The following MICU1 variants were observed in gnomAD, a reference collection of about 807,000 sequenced individuals.
MICU1 encodes the protein calcium uptake protein 1, mitochondrial.
In MICU1, 45 loss-of-function variants were observed where a neutral mutation model predicts 56.8. That is an observed-to-expected ratio of 0.79 (90% CI 0.62 to 1.02). The LOEUF (loss-of-function observed/expected upper bound fraction) is 1.02, where lower values mean the gene tolerates loss of function less well. MICU1 is among the 50% of genes least tolerant of loss of function. The pLI, the probability that MICU1 is intolerant of heterozygous loss-of-function variation, is 0.00. For synonymous variants in MICU1, 186 were observed against 195.1 expected (o/e 0.95, Z 0.39); for missense variants, 504 against 587.1 (o/e 0.86, Z 1.46).
At chr10:72,507,295 T>TA (rs1465641543) in intron 6 of MICU1, among the ~76,000 whole-genome samples, 4 of 152,078 alleles carry the variant, frequency 2.6e-5, no homozygotes, top group South Asian at 2.1e-4. Context: ...TCTGAATGGT[T>TA]AAAAAAAGTC....
At chr10:72,456,946 GGTGTGT>G (rs71018292) in intron 8 of MICU1, among the ~76,000 whole-genome samples, 9,432 of 117,640 alleles carry the variant, frequency 0.08, 505 homozygotes, top group African/African-American at 0.17. Flanking sequence ...ATATTGCCCA[GGTGTGT>G]GTGTGTGTGT....
chr10:72,553,592 A>C (rs1840090007), intron 3 of MICU1, among the ~76,000 whole-genome samples: 1 of 152,130 alleles, frequency 6.6e-6, no homozygotes, highest in Non-Finnish European at 1.5e-5. Context: ...ACAACAACAA[A>C]AAAGAAACCA....
chr10:72,448,119 A>ATATG (rs1554872366), intron 8 of MICU1, among the ~76,000 whole-genome samples: 1 of 47,648 alleles, frequency 2.1e-5, no homozygotes, highest in Admixed American at 2.8e-4. Context: ...AAGTTTATAT[A>ATATG]TATGTGTGTG....
At chr10:72,598,454 C>T (rs1002712870) in intron 1 of MICU1, among the ~76,000 whole-genome samples, 2 of 151,964 alleles carry the variant, frequency 1.3e-5, no homozygotes, top group African/African-American at 4.8e-5. Flanking sequence ...CAGGGTTTCA[C>T]CATGTTGGCC....
At chr10:72,386,180 A>G (rs1285440677) in intron 10 of MICU1, among the ~76,000 whole-genome samples, 1 of 151,948 alleles carries the variant, frequency 6.6e-6, no homozygotes, top group Non-Finnish European at 1.5e-5. Context: ...ATGATTGGGA[A>G]TGTCTTTTTT....
At chr10:72,569,997 G>A (rs1589352393) in intron 1 of MICU1, among the ~76,000 whole-genome samples, 1 of 152,184 alleles carries the variant, frequency 6.6e-6, no homozygotes, top group African/African-American at 2.4e-5. Flanking sequence ...CAAGGCTGGA[G>A]TACAGTGGCA....
intron 5 of MICU1, among the ~76,000 whole-genome samples, chr10:72,529,547 A>T (rs1839415044): frequency 6.6e-6 from 1 of 152,170 alleles, no homozygotes; most frequent in Non-Finnish European, 1.5e-5. Flanking sequence ...GTGACTTTAT[A>T]AAAAAACATG....
chr10:72,372,850 G>A (rs764806719), intron 11 of MICU1, among the ~76,000 whole-genome samples: 46 of 150,472 alleles, frequency 3.1e-4, no homozygotes, highest in Middle Eastern at 3.4e-3. Flanking sequence ...GAGGCAGAGG[G>A]TGCAGTGAAC....
intron 4 of MICU1, among the ~76,000 whole-genome samples, chr10:72,548,964 T>C (rs1839962253): frequency 6.6e-6 from 1 of 152,154 alleles, no homozygotes; most frequent in Admixed American, 6.5e-5. Context: ...CCCAAAGTGC[T>C]GGGATTACAG....
At chr10:72,502,146 G>GTT (rs1173541219) in intron 6 of MICU1, among the ~76,000 whole-genome samples, 324 of 88,274 alleles carry the variant, frequency 3.7e-3, no homozygotes, top group African/African-American at 8.6e-3. Flanking sequence ...TTGTTTTGCT[G>GTT]TTTTTTTTTT....
At position 72,527,318 on chromosome 10, in the gene MICU1, T is replaced by C. The variant is rs569391753; in HGVS notation, c.537+6428A>G. 7.9e-5 allele frequency among the ~76,000 whole-genome samples: 12 copies of C among 152,266 alleles called. No homozygotes were observed. In the South Asian group the frequency reaches 2.5e-3, roughly 32 times the overall value. On this transcript the variant is annotated intron_variant, in intron 5 of 11. Transcript: ENST00000361114. ...AAGAGAATTTGGAATCCTAGCTATATGATTTTAAGCTAGCTACTTATCTTT... is the reference window on the plus strand; with the variant it reads ...AAGAGAATTTGGAATCCTAGCTATACGATTTTAAGCTAGCTACTTATCTTT...
intron 1 of MICU1, among the ~76,000 whole-genome samples, chr10:72,592,538 C>A (rs1841257198): frequency 6.6e-6 from 1 of 152,094 alleles, no homozygotes; most frequent in African/African-American, 2.4e-5. Context: ...AAACTATAGA[C>A]CAATATCCCT....
At chr10:72,456,814 A>G in intron 8 of MICU1, among the ~76,000 whole-genome samples, 1 of 150,140 alleles carries the variant, frequency 6.7e-6, no homozygotes, top group African/African-American at 2.5e-5. Flanking sequence ...CCAGCTTCCC[A>G]AGTAGCTGGG....
intron 3 of MICU1, among the ~76,000 whole-genome samples, chr10:72,557,387 G>A (rs907169351): frequency 6.6e-6 from 1 of 152,174 alleles, no homozygotes; most frequent in Admixed American, 6.5e-5. Flanking sequence ...GGCTTTAGGA[G>A]CCAGGCCTAG....
chr10:72,614,170 T>C (rs978124599), intron 1 of MICU1, among the ~76,000 whole-genome samples: 7 of 151,296 alleles, frequency 4.6e-5, no homozygotes, highest in Non-Finnish European at 8.8e-5. Flanking sequence ...ACACATAATA[T>C]AAAATGTACC....
At chr10:72,609,803 AG>A (rs1841792684) in intron 1 of MICU1, among the ~76,000 whole-genome samples, 1 of 151,202 alleles carries the variant, frequency 6.6e-6, no homozygotes, top group Non-Finnish European at 1.5e-5. Flanking sequence ...TGGGAGGCCT[AG>A]GTGGGTGGAT....
intron 8 of MICU1, among the ~76,000 whole-genome samples, chr10:72,436,502 C>T (rs1268800733): frequency 6.6e-6 from 1 of 152,170 alleles, no homozygotes; most frequent in Non-Finnish European, 1.5e-5. Context: ...CAGAGCGCAT[C>T]TTCTCCAAAG....
rs1487523282 is a variant in MICU1 at position 72,385,741 on chromosome 10, A to G, written c.1181-9869T>C. 3.9e-5 allele frequency among the ~76,000 whole-genome samples: 6 copies of G among 152,162 alleles called. No homozygotes were observed. The East Asian group carries it at 1.2e-3, about 29-fold the overall frequency. ...TAATCCCCTCTCCTCAGGTGGGCAG[A>G]ACCTGTGACTACGATAATCCTGTGA... On this transcript the variant is annotated intron_variant, in intron 10 of 11. Transcript: ENST00000361114.
At chr10:72,594,287 C>T (rs1420535374) in intron 1 of MICU1, among the ~76,000 whole-genome samples, 2 of 152,020 alleles carry the variant, frequency 1.3e-5, no homozygotes, top group Admixed American at 1.3e-4. Flanking sequence ...ACTGAAGTAT[C>T]AACAAGAAGA....
Sources: gnomAD v4.1 joint callset for allele counts (sites outside exome capture counted in the v4.1 genomes callset) on GRCh38, gnomAD v4.1.1 for gene constraint, MANE v1.5 for transcripts, NCBI Gene and HGNC (gene_info 2026-07-23, HGNC 2026-07-21) for gene names.